Variants in PAK3 observed in about 807,000 individuals in gnomAD.
PAK3 encodes the protein p21 (RAC1) activated kinase 3.
Under a neutral mutation model 41.0 loss-of-function variants are expected in PAK3, and 4 were observed. The ratio of observed to expected loss-of-function variants is 0.10; its 90% confidence interval spans 0.05 to 0.22. The LOEUF (loss-of-function observed/expected upper bound fraction) is 0.22, where lower values mean the gene tolerates loss of function less well. PAK3 is among the 10% of genes least tolerant of loss of function. PAK3 has a pLI of 1.00. For synonymous variants in PAK3, 146 were observed against 139.6 expected, an observed-to-expected ratio of 1.05 and a Z score of -0.32; for missense variants, 205 against 409.9, an observed-to-expected ratio of 0.50 and a Z score of 4.32.
chrX:111,135,506 A>T (rs977741719), intron 5 of PAK3, among the ~76,000 whole-genome samples: 2 of 110,791 alleles, frequency 1.8e-5, no homozygotes, highest in East Asian at 5.7e-4. Flanking sequence ...ATGCATGTGG[A>T]TGAGATGACC....
chrX:111,062,515 T>C (rs1055058163), intron 1 of PAK3, among the ~76,000 whole-genome samples: 5 of 112,291 alleles, frequency 4.5e-5, no homozygotes, highest in African/African-American at 1.6e-4. Flanking sequence ...TCTGAGAAGA[T>C]GGAATCTGCC....
At chrX:111,136,193 G>A (rs141973163) in intron 5 of PAK3, among the ~76,000 whole-genome samples, 9 of 112,104 alleles carry the variant, frequency 8.0e-5, no homozygotes, top group African/African-American at 1.9e-4. Flanking sequence ...GCTGAAGTTA[G>A]AGTGGAGTTC....
intron 10 of PAK3, among the ~76,000 whole-genome samples, 197 bp downstream of exon 10, chrX:111,163,924 A>G (rs1235932854): frequency 8.9e-6 from 1 of 112,101 alleles, no homozygotes; most frequent in Non-Finnish European, 1.9e-5. Context: ...GACAGGAACT[A>G]AATATTTTTA....
At chrX:111,049,488 G>A (rs958085218) in intron 1 of PAK3, among the ~76,000 whole-genome samples, 2 of 111,918 alleles carry the variant, frequency 1.8e-5, no homozygotes, top group Non-Finnish European at 3.8e-5. Context: ...TTAATTAGCA[G>A]CAGAGTGGTT....
At chrX:111,204,846 CT>C (rs762693632) in intron 16 of PAK3, among the ~76,000 whole-genome samples, 2 of 69,873 alleles carry the variant, frequency 2.9e-5, no homozygotes, top group Non-Finnish European at 5.9e-5. Flanking sequence ...TTTTCTTTTG[CT>C]TTATTTTTCT....
At chrX:111,208,231 G>A (rs1289565423) in intron 16 of PAK3, among the ~76,000 whole-genome samples, 1 of 112,845 alleles carries the variant, frequency 8.9e-6, no homozygotes, top group Admixed American at 9.3e-5. Flanking sequence ...GTTTTAAACT[G>A]TTACAAAGGA....
chrX:111,016,581 T>C (rs997962798), intron 1 of PAK3, among the ~76,000 whole-genome samples: 1 of 111,206 alleles, frequency 9.0e-6, no homozygotes, highest in African/African-American at 3.3e-5. Flanking sequence ...GGAAGATAAT[T>C]CACTGTTTGC....
At chrX:111,078,114 A>G (rs1244382913) in intron 1 of PAK3, among the ~76,000 whole-genome samples, 1 of 112,029 alleles carries the variant, frequency 8.9e-6, no homozygotes, top group East Asian at 2.8e-4. Flanking sequence ...ATGAGATATC[A>G]CCTCATACTT....
chrX:111,008,968 C>T (rs899690862), intron 1 of PAK3, among the ~76,000 whole-genome samples: 6 of 110,791 alleles, frequency 5.4e-5, no homozygotes, highest in African/African-American at 2.0e-4. Context: ...AAGCCAGAGC[C>T]AGTGTCTGCC....
At chrX:111,163,104 A>T in intron 9 of PAK3, 58 bp downstream of exon 9, 1 of 1,078,689 alleles carries the variant, frequency 9.3e-7, no homozygotes. Context: ...GAATAGTCAT[A>T]GAGTTAGAAT....
chrX:110,991,890 C>A (rs1392971803), intron 1 of PAK3, among the ~76,000 whole-genome samples: 2 of 110,498 alleles, frequency 1.8e-5, no homozygotes, highest in Non-Finnish European at 3.8e-5. Flanking sequence ...GAAAAAAAAA[C>A]ACACAGGACA....
At chrX:111,179,883 C>T (rs1333101306) in intron 11 of PAK3, among the ~76,000 whole-genome samples, 5 of 111,233 alleles carry the variant, frequency 4.5e-5, no homozygotes, top group Non-Finnish European at 9.4e-5. Flanking sequence ...CTCAGCCTCT[C>T]GAGTAACTGG....
chrX:111,221,668 A>G lies in PAK3; in HGVS notation c.*1221A>G, dbSNP rs1000949039. ...TGATATAGTAAACATTCAACTCTGTAAGAAATGGGAGGTCAGTGAAGGCTA... is the reference window on the plus strand; with the variant it reads ...TGATATAGTAAACATTCAACTCTGTGAGAAATGGGAGGTCAGTGAAGGCTA... On this transcript the variant is annotated 3_prime_UTR_variant, in exon 18 of 18. Transcript: ENST00000372007. 8.9e-6 allele frequency: 1 copy of G among 112,025 alleles called. No homozygotes were observed. Among genetic ancestry groups the G allele is most frequent in the Non-Finnish European group, 1.9e-5 (1 of 53,164 alleles). The allele number at this position is 112,025 out of a possible 1,213,427, so 9.2% of individuals were successfully genotyped here.
intron 1 of PAK3, among the ~76,000 whole-genome samples, chrX:110,945,721 A>G (rs1203123643): frequency 1.8e-5 from 2 of 111,968 alleles, no homozygotes; most frequent in East Asian, 5.6e-4. Context: ...CATGAATTTG[A>G]TATAGAGGTT....
intron 1 of PAK3, among the ~76,000 whole-genome samples, chrX:111,077,022 C>G (rs2092791707): frequency 9.0e-6 from 1 of 110,872 alleles, no homozygotes; most frequent in Non-Finnish European, 1.9e-5. Context: ...ACTATCCCCC[C>G]CCAAAAAATC....
At position 110,954,377 on chromosome X, in the gene PAK3, G is replaced by A. The variant is rs193271781; in HGVS notation, c.-28+9749G>A. Among the ~76,000 whole-genome samples the A allele has an allele frequency of 3.4e-3, 378 of 112,378 alleles. 6 individuals are homozygous for A. Among genetic ancestry groups the A allele is most frequent in the Admixed American group, 0.033 (352 of 10,615 alleles). On this transcript the variant is annotated intron_variant, in intron 1 of 14. Transcript: ENST00000425146. Reference sequence around the variant, plus strand: ...TTAATTTTCTCTGCAACTCTGTTAGGTTAATACTGTTAGCATTCCATTTTA... The same window carrying A: ...TTAATTTTCTCTGCAACTCTGTTAGATTAATACTGTTAGCATTCCATTTTA...
rs775874358 is a variant in PAK3, at chrX:111,076,577, C to G, written c.-27-46500C>G. Among the ~76,000 whole-genome samples the G allele has an allele frequency of 8.1e-5, 9 of 111,687 alleles. No individual in the cohort carries two copies. In the East Asian group the frequency reaches 2.5e-3, roughly 32 times the overall value. On this transcript the variant is annotated intron_variant, in intron 1 of 14. Transcript: ENST00000425146. ...CATATTTCCTGCACAGCCTATAGAACTGTGAGCCAAAATAACCCTCTTTTC... is the reference window on the plus strand; with the variant it reads ...CATATTTCCTGCACAGCCTATAGAAGTGTGAGCCAAAATAACCCTCTTTTC...
intron 10 of PAK3, among the ~76,000 whole-genome samples, chrX:111,166,940 T>C (rs749486834): frequency 2.7e-5 from 3 of 112,032 alleles, no homozygotes; most frequent in Admixed American, 9.5e-5. Flanking sequence ...ACTAGCTGTA[T>C]GTCCTTAGTC....
At chrX:110,986,803 T>C (rs2091553685) in intron 1 of PAK3, among the ~76,000 whole-genome samples, 1 of 110,346 alleles carries the variant, frequency 9.1e-6, no homozygotes, top group South Asian at 3.9e-4. Context: ...ATTCGTGTGT[T>C]GCATGAGTGG....
Sources: allele counts gnomAD v4.1 joint callset (sites outside exome capture counted in the v4.1 genomes callset), GRCh38; gene constraint gnomAD v4.1.1; transcripts MANE v1.5; gene names NCBI Gene and HGNC (gene_info 2026-07-23, HGNC 2026-07-21).